The following NME4 variants were observed in gnomAD, a reference collection of about 807,000 sequenced individuals.
NME4 encodes nucleoside diphosphate kinase D, mitochondrial.
A neutral mutation model predicts 16.4 loss-of-function variants in NME4; 21 were observed. That is an observed-to-expected ratio of 1.28 (90% CI 0.91 to 1.84). The LOEUF (loss-of-function observed/expected upper bound fraction) is 1.84. NME4 is among the 40% of genes most tolerant of loss of function. The pLI is 0.00. For missense variants in NME4, 316 were observed against 261.3 expected (o/e 1.21, Z -1.44); for synonymous variants, 132 against 107.5 (o/e 1.23, Z -1.41).
chr16:398,792 A>G, intron 1 of NME4, 198 bp from the exon 2 acceptor site: 1 of 689,736 alleles, frequency 1.4e-6, no homozygotes, highest in East Asian at 2.7e-5. Flanking sequence ...CTGGGGACAC[A>G]TTGCCTTGGG....
rs556450538 is a variant in NME4 at position 397,808 on chromosome 16, G to C, written c.91+495G>C. On this transcript the variant is annotated intron_variant, in intron 1 of 4. Transcript: ENST00000219479. ...GGCCAGAATCTGACTGGGACGTCAG[G>C]CCCCAAGTCCCCGGCCCCGCCGCTG... The C allele has an allele frequency of 9.0e-5, 138 of 1,526,106 alleles. 1 individual carries two copies. The African/African-American group carries it at 1.8e-3, about 19-fold the overall frequency. 94.5% of individuals were successfully genotyped at this position (1,526,106 alleles called of 1,614,324 possible).
intron 1 of NME4, chr16:398,209 G>T: frequency 6.8e-7 from 1 of 1,464,198 alleles, no homozygotes; most frequent in Non-Finnish European, 9.2e-7. Context: ...CCCTGGCAGC[G>T]TCCCCTCCAG....
At position 398,218 on chromosome 16, in the gene NME4, AGAG is replaced by A. The variant is rs1294070558; in HGVS notation, c.92-766_92-764del. On this transcript the variant is annotated intron_variant, in intron 1 of 4. Coordinates refer to ENST00000219479, the MANE Select transcript of NME4 (RefSeq NM_005009.3). The stretch of plus-strand genomic sequence containing the variant: ...CTGTTTCCCTGGCAGCGTCCCCTCC[AGAG>A]GAGGACGGCTGGGGCGGAGCTCAGC... The A allele has an allele frequency of 2.8e-6, 4 of 1,453,570 alleles. No individual in the cohort carries two copies. In the African/African-American group the frequency reaches 4.2e-5, roughly 15 times the overall value. 90.0% of individuals were successfully genotyped at this position (1,453,570 alleles called of 1,614,324 possible).
rs2054616009 is a variant in NME4, at chr16:399,603, CCCAA to C, written c.328-20_328-17del. On this transcript the variant is annotated intron_variant, in intron 3 of 4. Coordinates refer to ENST00000219479, the MANE Select transcript of NME4 (RefSeq NM_005009.3). Reference sequence around the variant, plus strand: ...GGGCCCTTGGTGTTCCCCACTTCTCCCCAACCATTATCTCTCGCTGCAGGTCTGG... The same window carrying C: ...GGGCCCTTGGTGTTCCCCACTTCTCCCCATTATCTCTCGCTGCAGGTCTGG... The C allele has an allele frequency of 6.2e-7, 1 of 1,609,998 alleles. No individual in the cohort carries two copies. The highest frequency in any genetic ancestry group is 1.3e-5 in the African/African-American group (1 of 74,928).
At chr16:400,019 G>A in intron 4 of NME4, 200 bp from the exon 5 acceptor site, 1 of 802,190 alleles carries the variant, frequency 1.2e-6, no homozygotes, top group Non-Finnish European at 2.0e-6. Flanking sequence ...CAAAAGCTGG[G>A]GCCTGGGCGG....
At chr16:396,944 T>G (rs2054555681), upstream of NME4, 1 of 152,452 alleles carries the variant, frequency 6.6e-6, no homozygotes, top group Admixed American at 6.5e-5. Flanking sequence ...CGAGTGGGCC[T>G]TCCTCCGTGG....
At chr16:399,884 T>C (rs1012212788) in intron 4 of NME4, 145 bp downstream of exon 4, 3 of 701,402 alleles carry the variant, frequency 4.3e-6, no homozygotes, top group African/African-American at 3.5e-5. Flanking sequence ...GTGAGAGCCG[T>C]GTTCTCCCAG....
intron 4 of NME4, chr16:399,967 C>A: frequency 1.5e-6 from 1 of 663,706 alleles, no homozygotes; most frequent in Non-Finnish European, 2.6e-6. Flanking sequence ...CCTGACACCC[C>A]AAGGGGTTGG....
At chr16:398,438 CAG>C in intron 1 of NME4, 1 of 1,189,528 alleles carries the variant, frequency 8.4e-7, no homozygotes, top group African/African-American at 1.6e-5. Context: ...ACCTCAGACA[CAG>C]GGTGGGCTCT....
chr16:400,059 G>C, intron 4 of NME4, 160 bp from the exon 5 acceptor site: 1 of 1,139,302 alleles, frequency 8.8e-7, no homozygotes, highest in South Asian at 1.3e-5. Context: ...GCCGAGGCCA[G>C]GCTGGAACCC....
chr16:399,003 G>T lies in NME4; in HGVS notation c.105G>T (p.Trp35Cys). Reference sequence around the variant, plus strand: ...TGCCTTTTGAAGGAGGGCCCTCCTGGACCCGGGAGCGGACCCTGGTGGCGG... The same window carrying T: ...TGCCTTTTGAAGGAGGGCCCTCCTGTACCCGGGAGCGGACCCTGGTGGCGG... ...LVRHGSGGPSWTRERTLVAVK... is the reference protein window; with the variant it reads ...LVRHGSGGPSCTRERTLVAVK... The change falls in exon 2 of 5, where the codon TGG becomes TGT. Residue 35 changes from tryptophan (W) to cysteine (C), a missense_variant. Trp to Cys is a radical substitution (Grantham distance 215, BLOSUM62 -2). Transcript: ENST00000219479. The T allele has an allele frequency of 4.3e-6, 7 of 1,610,314 alleles. No homozygotes were observed. Among genetic ancestry groups the T allele is most frequent in the Non-Finnish European group, 3.4e-6 (4 of 1,179,902 alleles).
At chr16:398,811 A>C in intron 1 of NME4, 179 bp from the exon 2 acceptor site, 1 of 787,302 alleles carries the variant, frequency 1.3e-6, no homozygotes, top group South Asian at 1.8e-5. Flanking sequence ...GGTGTCCCTG[A>C]CAGGGACTAT....
At chr16:400,103 C>A (rs1406512095) in intron 4 of NME4, 116 bp from the exon 5 acceptor site, 6 of 1,441,096 alleles carry the variant, frequency 4.2e-6, no homozygotes, top group East Asian at 4.6e-5. Context: ...CCTTCCCTGT[C>A]TGCAGTCACA....
chr16:397,769 TG>T (rs1349363835), intron 1 of NME4: 13 of 1,363,004 alleles, frequency 9.5e-6, no homozygotes, highest in Non-Finnish European at 1.1e-5. Flanking sequence ...GGGCGTTCGC[TG>T]AAGGCCAAGT....
chr16:400,071 G>T (rs750030828), intron 4 of NME4, 148 bp from the exon 5 acceptor site: 1 of 1,245,744 alleles, frequency 8.0e-7, no homozygotes, highest in Admixed American at 1.7e-5. Context: ...CTGGAACCCG[G>T]TTTCCCAGCT....
intron 1 of NME4, chr16:397,817 CCCCGGCCCCGCCGCTG>C (rs2054578660): frequency 6.0e-6 from 9 of 1,492,700 alleles, no homozygotes; most frequent in East Asian, 2.6e-5. Flanking sequence ...GGCCCCAAGT[CCCCGGCCCCGCCGCTG>C]CCCGGCCCCC....
At chr16:398,128 A>T in intron 1 of NME4, 1 of 1,532,944 alleles carries the variant, frequency 6.5e-7, no homozygotes, top group South Asian at 1.2e-5. Context: ...GAAACCAGGG[A>T]CCCGATGCCG....
At position 399,418 on chromosome 16, in the gene NME4, C is replaced by G; in HGVS notation, c.265C>G (p.Arg89Gly). 1 of 1,612,984 alleles carries G rather than the reference C, an allele frequency of 6.2e-7. No homozygotes were observed. Among genetic ancestry groups the G allele is most frequent in the South Asian group, 1.1e-5 (1 of 91,082 alleles). Residue 89 changes from arginine (R) to glycine (G), a missense_variant, in exon 3 of 5, where the codon CGG (arginine) becomes GGG (glycine). Arg to Gly is a moderately radical substitution (Grantham distance 125). Transcript: ENST00000219479. Reference protein sequence around the residue: ...SVLAEHYQDLRRKPFYPALIR... With the variant: ...SVLAEHYQDLGRKPFYPALIR... Reference sequence around the variant, plus strand: ...CCTTGCCGAGCACTACCAGGACCTGCGGAGGAAGCCCTTCTACCCTGCCCT... The same window carrying G: ...CCTTGCCGAGCACTACCAGGACCTGGGGAGGAAGCCCTTCTACCCTGCCCT...
At chr16:398,932 G>A in intron 1 of NME4, 58 bp from the exon 2 acceptor site, 1 of 1,598,890 alleles carries the variant, frequency 6.3e-7, no homozygotes, top group Non-Finnish European at 8.5e-7. Flanking sequence ...GGGAAACCCG[G>A]GTCGTGGGGA....
Sources: allele counts gnomAD v4.1 joint callset, GRCh38; gene constraint gnomAD v4.1.1; transcripts MANE v1.5; gene names NCBI Gene and HGNC (gene_info 2026-07-23, HGNC 2026-07-21).